Variants in HTR1F observed in about 807,000 individuals in gnomAD.
HTR1F encodes 5-hydroxytryptamine (serotonin) receptor 1F, G protein-coupled.
In HTR1F, 17 loss-of-function variants were observed where a neutral mutation model predicts 24.0. The ratio of observed to expected loss-of-function variants is 0.71; its 90% confidence interval spans 0.48 to 1.06. HTR1F has a LOEUF of 1.06. Ranked by LOEUF, HTR1F falls within the 50% of genes least tolerant of loss-of-function variation. The pLI, the probability that HTR1F is intolerant of heterozygous loss-of-function variation, is 0.00. For missense variants in HTR1F, 391 were observed against 427.8 expected (o/e 0.91, Z 0.76); for synonymous variants, 186 against 156.8 (o/e 1.19, Z -1.39).
chr3:87,974,475 G>C (rs185757285), intron 2 of HTR1F, among the ~76,000 whole-genome samples: 1 of 152,100 alleles, frequency 6.6e-6, no homozygotes, highest in Non-Finnish European at 1.5e-5. Context: ...AGCTGGTATA[G>C]AAGCATTTCT....
intron 2 of HTR1F, among the ~76,000 whole-genome samples, chr3:87,877,125 T>C (rs1705687992): frequency 6.6e-6 from 1 of 152,122 alleles, no homozygotes; most frequent in Admixed American, 6.6e-5. Flanking sequence ...TATAGAAGCA[T>C]ACAAGATTTG....
At chr3:87,880,028 C>T (rs1353753050) in intron 2 of HTR1F, among the ~76,000 whole-genome samples, 1 of 151,922 alleles carries the variant, frequency 6.6e-6, no homozygotes, top group Non-Finnish European at 1.5e-5. Context: ...AGTTAAGGCT[C>T]AATAAAATGA....
At chr3:87,935,528 T>C (rs779740879) in intron 2 of HTR1F, among the ~76,000 whole-genome samples, 2 of 152,052 alleles carry the variant, frequency 1.3e-5, no homozygotes, top group Non-Finnish European at 2.9e-5. Context: ...GGTCTTCCGC[T>C]AAATGAAACT....
At chr3:87,929,047 G>A (rs1177387367) in intron 2 of HTR1F, among the ~76,000 whole-genome samples, 1 of 152,010 alleles carries the variant, frequency 6.6e-6, no homozygotes. Context: ...GTCAGCTGGA[G>A]GTAAAAAAGG....
chr3:87,878,768 C>T (rs990635972), intron 2 of HTR1F, among the ~76,000 whole-genome samples: 2 of 152,046 alleles, frequency 1.3e-5, no homozygotes, highest in African/African-American at 4.8e-5. Context: ...AGGCTGTTTT[C>T]CTCCACTAAG....
At position 87,936,696 on chromosome 3, in the gene HTR1F, C is replaced by T. The variant is rs76047024; in HGVS notation, c.-42-54012C>T. ...AATCTATAATTTAGTTGATTTCATA[C>T]ATTAAATCACGGAGCATAAACAACT... On this transcript the variant is annotated intron_variant, in intron 2 of 2. Transcript: ENST00000319595. Among the ~76,000 whole-genome samples, 150 of 152,214 alleles carry T rather than the reference C, an allele frequency of 9.9e-4. No homozygotes were observed. The East Asian group carries it at 0.027, about 27-fold the overall frequency.
At chr3:87,824,367 C>T (rs1048151404) in intron 2 of HTR1F, among the ~76,000 whole-genome samples, 1 of 152,092 alleles carries the variant, frequency 6.6e-6, no homozygotes. Flanking sequence ...CTTTAAAATG[C>T]GACATGATTG....
At chr3:87,985,823 A>G (rs1009216187) in intron 2 of HTR1F, among the ~76,000 whole-genome samples, 3 of 152,266 alleles carry the variant, frequency 2.0e-5, no homozygotes, top group African/African-American at 7.2e-5. Flanking sequence ...CTTGAGGACA[A>G]TATAATTGGA....
chr3:87,891,938 C>A, intron 2 of HTR1F, among the ~76,000 whole-genome samples: 1 of 152,168 alleles, frequency 6.6e-6, no homozygotes, highest in East Asian at 1.9e-4. Context: ...TGACTTAAGG[C>A]AAGCTCATGT....
At chr3:87,819,401 A>G (rs1559593856) in intron 1 of HTR1F, among the ~76,000 whole-genome samples, 2 of 150,322 alleles carry the variant, frequency 1.3e-5, no homozygotes, top group African/African-American at 4.9e-5. Context: ...TTATCTGTAG[A>G]CTTATTTTTA....
intron 2 of HTR1F, among the ~76,000 whole-genome samples, chr3:87,959,748 C>T (rs936824867): frequency 4.1e-5 from 6 of 145,268 alleles, no homozygotes; most frequent in African/African-American, 1.0e-4. Flanking sequence ...CACTGGGATA[C>T]GATGTGAGAC....
intron 2 of HTR1F, among the ~76,000 whole-genome samples, chr3:87,927,426 T>G (rs1423609258): frequency 6.6e-6 from 1 of 152,094 alleles, no homozygotes; most frequent in Non-Finnish European, 1.5e-5. Context: ...ATGTTCCCAG[T>G]GAAAAGAAGT....
intron 2 of HTR1F, among the ~76,000 whole-genome samples, chr3:87,847,727 T>C (rs1704977625): frequency 2.6e-5 from 4 of 151,806 alleles, no homozygotes; most frequent in Admixed American, 2.6e-4. Context: ...CTGGTACCCA[T>C]CATTCTATTC....
chr3:87,879,346 T>G, intron 2 of HTR1F, among the ~76,000 whole-genome samples: 1 of 152,220 alleles, frequency 6.6e-6, no homozygotes, highest in Non-Finnish European at 1.5e-5. Flanking sequence ...AATATAAGTC[T>G]TAGTACTGAT....
At chr3:87,865,850 G>T (rs996032463) in intron 2 of HTR1F, among the ~76,000 whole-genome samples, 10 of 152,042 alleles carry the variant, frequency 6.6e-5, no homozygotes, top group Non-Finnish European at 1.3e-4. Flanking sequence ...ATAAATTCAT[G>T]TTGCATGTAT....
Position 87,801,992 on chromosome 3 carries a change from T to C in HTR1F, c.-160+9150T>C, listed in dbSNP as rs139440654. On this transcript the variant is annotated intron_variant, in intron 1 of 2. Transcript: ENST00000319595. The stretch of plus-strand genomic sequence containing the variant: ...CATGGCTTTGCTTTCTTTCTTTCCT[T>C]CCTTCCTTTCTTCCTTCTTTTTCTT... 3.5e-3 allele frequency among the ~76,000 whole-genome samples: 486 copies of C among 137,670 alleles called. 1 individual carries two copies. The highest frequency in any genetic ancestry group is 0.016 in the African/African-American group (447 of 28,574). The allele number at this position is 137,670 out of a possible 152,430, so 90.3% of individuals were successfully genotyped here.
At chr3:87,822,162 A>C (rs998366281) in intron 2 of HTR1F, among the ~76,000 whole-genome samples, 38 bp downstream of exon 2, 1 of 152,142 alleles carries the variant, frequency 6.6e-6, no homozygotes, top group African/African-American at 2.4e-5. Flanking sequence ...AGAAAAATAA[A>C]TTGACAATTA....
chr3:87,868,456 A>G (rs1401499537), intron 2 of HTR1F, among the ~76,000 whole-genome samples: 1 of 152,018 alleles, frequency 6.6e-6, no homozygotes, highest in Admixed American at 6.6e-5. Context: ...AGAAGAATGA[A>G]TGCAACACAA....
At chr3:87,933,742 G>T (rs989270380) in intron 2 of HTR1F, among the ~76,000 whole-genome samples, 2 of 152,162 alleles carry the variant, frequency 1.3e-5, no homozygotes, top group Non-Finnish European at 2.9e-5. Flanking sequence ...ATGCTCATGG[G>T]TAGGAAGAAT....
Sources: allele counts gnomAD v4.1 joint callset (sites outside exome capture counted in the v4.1 genomes callset), GRCh38; gene constraint gnomAD v4.1.1; transcripts MANE v1.5; gene names NCBI Gene and HGNC (gene_info 2026-07-23, HGNC 2026-07-21).